KANK1: variants seen among roughly 807,000 people sequenced by gnomAD.
KANK1 encodes KN motif and ankyrin repeat domain-containing protein 1.
A neutral mutation model predicts 106.2 loss-of-function variants in KANK1; 109 were observed. That is an observed-to-expected ratio of 1.03 (90% CI 0.88 to 1.20). The LOEUF is 1.20. Ranked by LOEUF, KANK1 falls within the 50% of genes most tolerant of loss-of-function variation. The pLI is 0.00. For missense variants in KANK1, 2,399 were observed against 1,710.7 expected (o/e 1.40, Z -7.10); for synonymous variants, 873 against 652.2 (o/e 1.34, Z -5.16).
chr9:666,538 C>A (rs190798638), intron 1 of KANK1, among the ~76,000 whole-genome samples: 2 of 152,082 alleles, frequency 1.3e-5, no homozygotes, highest in Admixed American at 6.5e-5. Flanking sequence ...AGTGGAAAGC[C>A]TTTTAGGTTT....
At chr9:581,711 C>T (rs765526924) in intron 1 of KANK1, among the ~76,000 whole-genome samples, 1 of 152,160 alleles carries the variant, frequency 6.6e-6, no homozygotes, top group Non-Finnish European at 1.5e-5. Flanking sequence ...TATCACCCTC[C>T]CAGAGTTGTG....
intron 1 of KANK1, among the ~76,000 whole-genome samples, chr9:600,415 G>A (rs904982881): frequency 4.0e-5 from 6 of 151,732 alleles, no homozygotes; most frequent in African/African-American, 1.5e-4. Context: ...ATCACATTGA[G>A]TAATTAAATG....
At chr9:609,320 C>G (rs1830046691) in intron 1 of KANK1, among the ~76,000 whole-genome samples, 2 of 152,130 alleles carry the variant, frequency 1.3e-5, no homozygotes, top group African/African-American at 4.8e-5. Context: ...TTGCTAGCTA[C>G]AAGTCCTTTT....
At chr9:677,078 T>C in intron 2 of KANK1, 69 bp downstream of exon 2, 1 of 1,412,566 alleles carries the variant, frequency 7.1e-7, no homozygotes, top group Non-Finnish European at 1.0e-6. Context: ...TTATTCTCTT[T>C]AATAATGAAC....
At chr9:732,185 TA>T (rs1442850192) in intron 5 of KANK1, 192 bp from the exon 6 acceptor site, 7 of 572,836 alleles carry the variant, frequency 1.2e-5, no homozygotes, top group African/African-American at 1.1e-4. Context: ...ATGATACCGA[TA>T]ACCAGTTTAA....
intron 1 of KANK1, among the ~76,000 whole-genome samples, chr9:638,083 A>C (rs1837562442): frequency 6.6e-6 from 1 of 152,240 alleles, no homozygotes; most frequent in African/African-American, 2.4e-5. Flanking sequence ...AAGCTTATGC[A>C]GTATCAGTAA....
At chr9:478,804 A>G (rs1487956539) in intron 3 of KANK1, among the ~76,000 whole-genome samples, 2 of 152,256 alleles carry the variant, frequency 1.3e-5, no homozygotes, top group East Asian at 1.9e-4. Flanking sequence ...GATCAGTTAC[A>G]GAAAACAAGT....
rs1022722156 is a variant in KANK1, at chr9:525,482, C to T, written c.-84+20728C>T. 6.6e-5 allele frequency among the ~76,000 whole-genome samples: 10 copies of T among 151,368 alleles called. No homozygotes were observed. In the South Asian group the frequency reaches 1.0e-3, roughly 16 times the overall value. The stretch of plus-strand genomic sequence containing the variant: ...GCAACTTCCACCTCCCTGGTTCAAG[C>T]GATTCTCATGCCTCAGCCTCCTGAG... On this transcript the variant is annotated intron_variant, in intron 1 of 11. Transcript: ENST00000382297.
rs369432789 is a variant in KANK1 at position 732,638 on chromosome 9, C to T, written c.3245+21C>T. On this transcript the variant is annotated intron_variant, in intron 6 of 11. Coordinates refer to ENST00000382297, the MANE Select transcript of KANK1 (RefSeq NM_015158.5). Reference sequence around the variant, plus strand: ...GAGAGGTGTGGTACATTCCCCTTCCCTCCCTTGCCCCTCCCACATTTAATG... The same window carrying T: ...GAGAGGTGTGGTACATTCCCCTTCCTTCCCTTGCCCCTCCCACATTTAATG... 7 of 1,605,884 alleles carry T rather than the reference C, an allele frequency of 4.4e-6. 1 individual carries two copies. In the East Asian group the frequency reaches 1.6e-4, roughly 36 times the overall value.
chr9:608,929 G>A (rs1829952394), intron 1 of KANK1, among the ~76,000 whole-genome samples: 1 of 152,146 alleles, frequency 6.6e-6, no homozygotes, highest in African/African-American at 2.4e-5. Context: ...TTTCTTGGAT[G>A]GAAGCATGGG....
At chr9:613,518 A>G (rs567422151) in intron 1 of KANK1, among the ~76,000 whole-genome samples, 2 of 152,046 alleles carry the variant, frequency 1.3e-5, no homozygotes, top group Non-Finnish European at 2.9e-5. Context: ...TTGTGGCCCA[A>G]GACAATTCTT....
At chr9:677,555 C>T (rs1335538691) in intron 2 of KANK1, 1 of 152,224 alleles carries the variant, frequency 6.6e-6, no homozygotes, top group Non-Finnish European at 1.5e-5. Context: ...GTTTCACTTT[C>T]TGTTCCAATA....
intron 1 of KANK1, among the ~76,000 whole-genome samples, chr9:576,061 G>T (rs1009161440): frequency 2.0e-5 from 3 of 152,172 alleles, no homozygotes; most frequent in Non-Finnish European, 2.9e-5. Flanking sequence ...GATTCCCAAA[G>T]TATGGTCTAT....
chr9:524,294 G>GT (rs1192109180), intron 1 of KANK1, among the ~76,000 whole-genome samples: 4 of 150,784 alleles, frequency 2.7e-5, no homozygotes, highest in African/African-American at 9.9e-5. Flanking sequence ...TCGTTCTGTA[G>GT]TTTTTTGTTG....
intron 1 of KANK1, among the ~76,000 whole-genome samples, chr9:556,497 A>T (rs893277867): frequency 1.3e-5 from 2 of 152,204 alleles, no homozygotes; most frequent in African/African-American, 4.8e-5. Flanking sequence ...AAGTGCTATG[A>T]TGTACAAAGG....
chr9:654,478 C>T (rs930514784), intron 1 of KANK1, among the ~76,000 whole-genome samples: 13 of 152,082 alleles, frequency 8.5e-5, no homozygotes, highest in African/African-American at 3.1e-4. Context: ...AGGTAAGCCC[C>T]ATAGAGTGTC....
chr9:528,469 C>CTTTTTTTTTTTTTTTTTTTT (rs36072780), intron 1 of KANK1, among the ~76,000 whole-genome samples: 7 of 85,126 alleles, frequency 8.2e-5, no homozygotes, highest in Non-Finnish European at 1.5e-4. Context: ...TAAAAAATAA[C>CTTTTTTTTTTTTTTTTTTTT]TTTTTTTTTT....
intron 1 of KANK1, among the ~76,000 whole-genome samples, chr9:651,155 A>C (rs1287798451): frequency 6.6e-6 from 1 of 152,202 alleles, no homozygotes; most frequent in Admixed American, 6.5e-5. Context: ...AGCGACTAAG[A>C]ATTTTATGGT....
At chr9:477,558 CAG>C (rs2058127073) in intron 3 of KANK1, among the ~76,000 whole-genome samples, 1 of 152,100 alleles carries the variant, frequency 6.6e-6, no homozygotes, top group Non-Finnish European at 1.5e-5. Context: ...AAGGGAATGT[CAG>C]GGGAAGAAAA....
Sources: gnomAD v4.1 joint callset for allele counts (sites outside exome capture counted in the v4.1 genomes callset) on GRCh38, gnomAD v4.1.1 for gene constraint, MANE v1.5 for transcripts, NCBI Gene and HGNC (gene_info 2026-07-23, HGNC 2026-07-21) for gene names.